Variants in BABAM2 observed in about 807,000 individuals in gnomAD.
BABAM2 encodes BRISC and BRCA1-A complex member 2.
A neutral mutation model predicts 54.7 loss-of-function variants in BABAM2; 31 were observed. The ratio of observed to expected loss-of-function variants is 0.57; its 90% confidence interval spans 0.43 to 0.77. The LOEUF is 0.77. Among genes scored for constraint, BABAM2 ranks in the 30% least tolerant of loss-of-function variants. The pLI is 0.00. For synonymous variants in BABAM2, 167 were observed against 162.9 expected (o/e 1.03, Z -0.19); for missense variants, 364 against 455.8 (o/e 0.80, Z 1.83).
At chr2:28,303,925 G>T (rs1688305351) in intron 11 of BABAM2, among the ~76,000 whole-genome samples, 1 of 151,784 alleles carries the variant, frequency 6.6e-6, no homozygotes, top group Non-Finnish European at 1.5e-5. Context: ...CTGTTGCCCA[G>T]GCTAGAGTAC....
At chr2:28,015,801 T>G (rs1674757127) in intron 4 of BABAM2, 2 of 1,003,718 alleles carry the variant, frequency 2.0e-6, no homozygotes, top group South Asian at 2.8e-5. Context: ...TCCACTGTTT[T>G]TCTCATGCTT....
chr2:28,098,788 A>G (rs547717037), intron 6 of BABAM2, among the ~76,000 whole-genome samples: 2 of 152,370 alleles, frequency 1.3e-5, no homozygotes, highest in South Asian at 4.1e-4. Flanking sequence ...TAGGGAAAGA[A>G]TAAGAAAAAA....
At chr2:27,896,813 TG>T in intron 2 of BABAM2, 1 of 231,472 alleles carries the variant, frequency 4.3e-6, no homozygotes, top group Non-Finnish European at 8.7e-6. Context: ...TGTGCCCAAC[TG>T]GGTCCACATT....
At chr2:28,158,588 A>G (rs945837076) in intron 7 of BABAM2, among the ~76,000 whole-genome samples, 2 of 152,218 alleles carry the variant, frequency 1.3e-5, no homozygotes, top group Non-Finnish European at 2.9e-5. Context: ...GGCAATATCC[A>G]TGCTTGAATT....
chr2:28,213,921 C>A, intron 7 of BABAM2, among the ~76,000 whole-genome samples: 1 of 147,474 alleles, frequency 6.8e-6, no homozygotes, highest in African/African-American at 2.5e-5. Context: ...TGGAGAAGAT[C>A]CATTACTAGA....
chr2:28,090,338 G>C (rs1298560249), intron 6 of BABAM2, among the ~76,000 whole-genome samples: 1 of 152,106 alleles, frequency 6.6e-6, no homozygotes, highest in Non-Finnish European at 1.5e-5. Context: ...TCCCCCTCCT[G>C]GGTTCAGGTG....
chr2:28,299,470 C>T (rs1460567752), intron 11 of BABAM2, among the ~76,000 whole-genome samples: 1 of 152,176 alleles, frequency 6.6e-6, no homozygotes, highest in Non-Finnish European at 1.5e-5. Flanking sequence ...AACTTTATCG[C>T]TTGGAACAGT....
chr2:27,966,549 G>A (rs1156332328), intron 3 of BABAM2, among the ~76,000 whole-genome samples: 1 of 152,192 alleles, frequency 6.6e-6, no homozygotes, highest in Non-Finnish European at 1.5e-5. Flanking sequence ...GCCTTTGATA[G>A]TTTCTTGCTT....
chr2:28,184,292 C>T (rs1003859248), intron 7 of BABAM2, among the ~76,000 whole-genome samples: 1 of 139,576 alleles, frequency 7.2e-6, no homozygotes, highest in African/African-American at 2.6e-5. Context: ...CTCTCCCCCC[C>T]TCCCTCTCTC....
At chr2:28,180,424 C>T (rs7586931) in intron 7 of BABAM2, among the ~76,000 whole-genome samples, 32,916 of 151,658 alleles carry the variant, frequency 0.22, 3,778 homozygotes, top group South Asian at 0.41. Flanking sequence ...TGCCACGGAA[C>T]GAAACTAGAC....
rs569923531 is a variant in BABAM2, at chr2:28,158,304, T to C, written c.680+28924T>C. Among the ~76,000 whole-genome samples, 7 of 152,274 alleles carry C rather than the reference T, an allele frequency of 4.6e-5. No homozygotes were observed. The South Asian group carries it at 1.2e-3, about 27-fold the overall frequency. On this transcript the variant is annotated intron_variant, in intron 7 of 11. Coordinates refer to ENST00000379624, the MANE Select transcript of BABAM2 (RefSeq NM_199191.3). The stretch of plus-strand genomic sequence containing the variant: ...TTAAATCAGCAAGATAGTAAAACTG[T>C]ACCAATAAACTCTAAATGAAGAGGG...
At chr2:28,073,942 G>C (rs1018964597) in intron 6 of BABAM2, among the ~76,000 whole-genome samples, 2 of 151,926 alleles carry the variant, frequency 1.3e-5, no homozygotes, top group Non-Finnish European at 2.9e-5. Flanking sequence ...CCTGGGTTAA[G>C]CAATATCCAG....
chr2:28,169,851 T>C (rs893271907), intron 7 of BABAM2, among the ~76,000 whole-genome samples: 2 of 151,692 alleles, frequency 1.3e-5, no homozygotes, highest in Non-Finnish European at 2.9e-5. Context: ...CTGTTAGTCA[T>C]TGAAAAAAAA....
intron 6 of BABAM2, among the ~76,000 whole-genome samples, chr2:28,056,471 AT>A (rs977163544): frequency 4.6e-5 from 7 of 151,662 alleles, no homozygotes; most frequent in Non-Finnish European, 8.8e-5. Context: ...TTTATTTAAA[AT>A]TTTTTTTTAT....
chr2:28,138,008 G>A (rs539739120), intron 7 of BABAM2, among the ~76,000 whole-genome samples: 1 of 151,962 alleles, frequency 6.6e-6, no homozygotes, highest in African/African-American at 2.4e-5. Context: ...TTTTTCTGCC[G>A]TGAAGATGAG....
At chr2:28,221,773 T>C (rs189779949) in intron 7 of BABAM2, among the ~76,000 whole-genome samples, 164 of 152,310 alleles carry the variant, frequency 1.1e-3, no homozygotes, top group African/African-American at 3.7e-3. Context: ...GTCCTTCGCC[T>C]GCCTAGGAGG....
chr2:27,988,037 T>C lies in BABAM2; in HGVS notation c.250T>C (p.Phe84Leu). The change falls in exon 4 of 12, where the codon TTT (phenylalanine) becomes CTT (leucine). Residue 84 changes from phenylalanine to leucine, a missense_variant. Phe to Leu is a conservative substitution (Grantham distance 22). Coordinates refer to ENST00000379624, the MANE Select transcript of BABAM2 (RefSeq NM_199191.3). ...NAQYPELPPDFIFGEDAEFLP... is the reference protein window; with the variant it reads ...NAQYPELPPDLIFGEDAEFLP... ...CCAATACCCAGAACTGCCTCCCGAT[T>C]TTATCTTTGGAGAAGATGCTGAATT... 1 of 1,613,778 alleles carries C rather than the reference T, an allele frequency of 6.2e-7. No homozygotes were observed. Among genetic ancestry groups the C allele is most frequent in the Non-Finnish European group, 8.5e-7 (1 of 1,179,742 alleles).
At chr2:28,242,970 C>T (rs1457093823) in intron 9 of BABAM2, among the ~76,000 whole-genome samples, 1 of 152,122 alleles carries the variant, frequency 6.6e-6, no homozygotes, top group Non-Finnish European at 1.5e-5. Context: ...TATAATTAAA[C>T]ATGAAGAAGC....
chr2:28,106,811 T>G (rs1310189484), intron 6 of BABAM2, among the ~76,000 whole-genome samples: 2 of 152,236 alleles, frequency 1.3e-5, no homozygotes, highest in Non-Finnish European at 2.9e-5. Flanking sequence ...GCTTTCAATT[T>G]ATTTAGCATG....
Sources: allele counts gnomAD v4.1 joint callset (sites outside exome capture counted in the v4.1 genomes callset), GRCh38; gene constraint gnomAD v4.1.1; transcripts MANE v1.5; gene names NCBI Gene and HGNC (gene_info 2026-07-23, HGNC 2026-07-21).